PTPRR: variants seen among roughly 807,000 people sequenced by gnomAD.
PTPRR encodes the protein receptor-type tyrosine-protein phosphatase R.
A neutral mutation model predicts 77.2 loss-of-function variants in PTPRR; 38 were observed. That is an observed-to-expected ratio of 0.49 (90% CI 0.38 to 0.65). The LOEUF is 0.65. PTPRR is among the 30% of genes least tolerant of loss of function. The pLI is 0.00. For synonymous variants in PTPRR, 299 were observed against 283.1 expected (o/e 1.06, Z -0.57); for missense variants, 744 against 799.2 (o/e 0.93, Z 0.83).
intron 2 of PTPRR, among the ~76,000 whole-genome samples, chr12:70,777,864 G>A (rs1188745528): frequency 2.0e-5 from 3 of 152,202 alleles, no homozygotes; most frequent in Non-Finnish European, 2.9e-5. Flanking sequence ...AATTTTTATT[G>A]TGTTAAGCCA....
intron 10 of PTPRR, among the ~76,000 whole-genome samples, chr12:70,669,698 G>A (rs1887147414): frequency 6.6e-6 from 1 of 151,826 alleles, no homozygotes; most frequent in South Asian, 2.1e-4. Flanking sequence ...TCAAGTAGCT[G>A]GGGCTACATT....
chr12:70,708,204 C>T (rs1359344464), intron 6 of PTPRR, among the ~76,000 whole-genome samples: 1 of 152,106 alleles, frequency 6.6e-6, no homozygotes, highest in Admixed American at 6.6e-5. Flanking sequence ...GACTTGAGTT[C>T]TCCTGTTGTA....
At chr12:70,765,334 A>C (rs1890791647) in intron 2 of PTPRR, among the ~76,000 whole-genome samples, 4 of 152,150 alleles carry the variant, frequency 2.6e-5, no homozygotes, top group Non-Finnish European at 2.9e-5. Context: ...GACGGGCTTA[A>C]AAAATGGCAC....
At chr12:70,800,024 A>G (rs1009879621) in intron 2 of PTPRR, among the ~76,000 whole-genome samples, 2 of 152,158 alleles carry the variant, frequency 1.3e-5, no homozygotes, top group East Asian at 1.9e-4. Context: ...CAGTCTACCT[A>G]TTTACCTGGA....
rs201383486 is a variant in PTPRR at position 70,662,539 on chromosome 12, C to T, written c.1564G>A (p.Val522Ile). 2.2e-5 allele frequency: 36 copies of T among 1,612,310 alleles called. No homozygotes were observed. The East Asian group carries it at 7.8e-4, about 35-fold the overall frequency. The change falls in exon 11 of 14, where the codon GTA becomes ATA. Residue 522 changes from valine (V) to isoleucine (I), a missense_variant. This residue lies in a region of PTPRR where 170 missense variants were observed against 209.8 expected (regional missense o/e 0.81). Transcript: ENST00000283228. ...ATGGTGTAGTTATCACATTCATTTA[C>T]ACTGATAACCAGAACCTCAACTTTT... ...YGKVEVLVIS[V>I]NECDNYTIRN...
chr12:70,844,925 T>C (rs1166017810), intron 2 of PTPRR, among the ~76,000 whole-genome samples: 2 of 152,094 alleles, frequency 1.3e-5, no homozygotes, highest in African/African-American at 2.4e-5. Context: ...AAAACAACAA[T>C]AACAAAAATA....
At chr12:70,783,975 A>G (rs1156754351) in intron 2 of PTPRR, among the ~76,000 whole-genome samples, 2 of 151,838 alleles carry the variant, frequency 1.3e-5, no homozygotes, top group Non-Finnish European at 2.9e-5. Context: ...CTCCCAGATT[A>G]GAGCGGGTGC....
chr12:70,730,930 G>A (rs1840540747), intron 6 of PTPRR, among the ~76,000 whole-genome samples: 1 of 149,300 alleles, frequency 6.7e-6, no homozygotes, highest in South Asian at 2.2e-4. Context: ...AGGAGAGAGA[G>A]AGACAGAAGG....
chr12:70,901,205 A>G (rs756403292), intron 1 of PTPRR, among the ~76,000 whole-genome samples: 5 of 151,544 alleles, frequency 3.3e-5, no homozygotes, highest in Non-Finnish European at 7.4e-5. Context: ...CAGTTCCTCA[A>G]AAAACTAAAA....
At chr12:70,858,954 C>CCT (rs547198172) in intron 2 of PTPRR, among the ~76,000 whole-genome samples, 2 of 138,048 alleles carry the variant, frequency 1.4e-5, no homozygotes, top group Non-Finnish European at 3.0e-5. Context: ...GCATTTCGCC[C>CCT]TTTTTTTTTT....
chr12:70,639,436 C>A, intron 13 of PTPRR, 159 bp from the exon 14 acceptor site: 1 of 1,382,684 alleles, frequency 7.2e-7, no homozygotes, highest in East Asian at 2.6e-5. Flanking sequence ...CCAAATGTCT[C>A]AACTATCAAA....
At chr12:70,845,795 A>G (rs940806685) in intron 2 of PTPRR, among the ~76,000 whole-genome samples, 8 of 152,306 alleles carry the variant, frequency 5.3e-5, no homozygotes, top group African/African-American at 1.9e-4. Flanking sequence ...CTAAATTGCT[A>G]CATTTCTCTC....
rs541732008 is a variant in PTPRR at position 70,876,955 on chromosome 12, G to A, written c.357+15724C>T. On this transcript the variant is annotated intron_variant, in intron 2 of 13. Transcript: ENST00000283228. Reference sequence around the variant, plus strand: ...ATGTTTGGGCTCTCAGGAGATAAGAGTAGCAGTTGGGTGTCTCACAAGAAG... The same window carrying A: ...ATGTTTGGGCTCTCAGGAGATAAGAATAGCAGTTGGGTGTCTCACAAGAAG... 9.8e-5 allele frequency among the ~76,000 whole-genome samples: 15 copies of A among 152,318 alleles called. No homozygotes were observed. In the South Asian group the frequency reaches 3.1e-3, roughly 32 times the overall value.
In PTPRR at chr12:70,684,759, C is replaced by G; in HGVS notation, c.1304G>C (p.Arg435Thr). Residue 435 changes from arginine to threonine, a missense_variant, in exon 9 of 14, where the codon AGA (arginine) becomes ACA (threonine). By Grantham distance (71) the Arg-to-Thr change is moderately conservative (BLOSUM62 -1). Around this residue, in one of 3 missense-constraint regions of PTPRR, gnomAD observed 570 missense variants for 573.2 expected, o/e 0.99. Transcript: ENST00000283228. ...CAATGAATCGGTTACATTTTTTGGT[C>G]TTAAACACACTCTGCTGAGGGGATC... ...LPNPLSRVCL[R>T]PKNVTDSLST... 1.2e-6 allele frequency: 2 copies of G among 1,606,312 alleles called. No individual in the cohort carries two copies. The highest frequency in any genetic ancestry group is 1.7e-6 in the Non-Finnish European group (2 of 1,174,660).
At chr12:70,868,126 A>G (rs1434592207) in intron 2 of PTPRR, among the ~76,000 whole-genome samples, 5 of 152,142 alleles carry the variant, frequency 3.3e-5, no homozygotes, top group Non-Finnish European at 5.9e-5. Context: ...CATAGGCATG[A>G]GCAAGGACTT....
chr12:70,853,125 GATTATC>G (rs1183945149), intron 2 of PTPRR, among the ~76,000 whole-genome samples: 4 of 152,172 alleles, frequency 2.6e-5, no homozygotes, highest in African/African-American at 9.7e-5. Context: ...ACACAAAAGA[GATTATC>G]ATTATAATAA....
intron 2 of PTPRR, among the ~76,000 whole-genome samples, chr12:70,839,739 C>G (rs1892364546): frequency 6.6e-6 from 1 of 152,170 alleles, no homozygotes; most frequent in South Asian, 2.1e-4. Context: ...CTTTTGGTAA[C>G]TGGCTGCTTG....
At chr12:70,862,647 G>A (rs1393496399) in intron 2 of PTPRR, among the ~76,000 whole-genome samples, 5 of 150,462 alleles carry the variant, frequency 3.3e-5, no homozygotes, top group Non-Finnish European at 7.4e-5. Flanking sequence ...GCTAAATGAC[G>A]TGTTAATGGG....
chr12:70,654,703 T>C (rs372618730), intron 13 of PTPRR, among the ~76,000 whole-genome samples: 4 of 152,388 alleles, frequency 2.6e-5, no homozygotes, highest in African/African-American at 9.6e-5. Flanking sequence ...TATTATCTTT[T>C]TCTGCTAGCA....
Sources: allele counts gnomAD v4.1 joint callset (sites outside exome capture counted in the v4.1 genomes callset), GRCh38; gene constraint gnomAD v4.1.1; regional missense constraint gnomAD v4.1.1; transcripts MANE v1.5; gene names NCBI Gene and HGNC (gene_info 2026-07-23, HGNC 2026-07-21).